The following RANBP2 variants were observed in gnomAD, a reference collection of about 807,000 sequenced individuals.
RANBP2 encodes RAN binding protein 2.
In RANBP2, 57 loss-of-function variants were observed where a neutral mutation model predicts 303.6. That is an observed-to-expected ratio of 0.19 (90% CI 0.15 to 0.23). RANBP2 has a LOEUF of 0.23. Ranked by LOEUF, RANBP2 falls within the 10% of genes least tolerant of loss-of-function variation. The pLI, the probability that RANBP2 is intolerant of heterozygous loss-of-function variation, is 1.00. For synonymous variants in RANBP2, 1,167 were observed against 1,301.5 expected (o/e 0.90, Z 2.23); for missense variants, 3,138 against 3,780.8 (o/e 0.83, Z 4.46).
At chr2:109,389,990 C>A in the RANBP2 span, among the ~76,000 whole-genome samples, 1 of 152,174 alleles carries the variant, frequency 6.6e-6, no homozygotes, top group African/African-American at 2.4e-5. Flanking sequence ...TCTGCGATTT[C>A]TAAGGCAGAA....
At chr2:109,113,428 G>C in the RANBP2 span, among the ~76,000 whole-genome samples, 14 of 151,456 alleles carry the variant, frequency 9.2e-5, no homozygotes, top group East Asian at 1.9e-4. Flanking sequence ...TGATTTGGCT[G>C]TCTGTTTGTC....
chr2:109,633,809 C>T, the RANBP2 span, among the ~76,000 whole-genome samples: 1 of 152,120 alleles, frequency 6.6e-6, no homozygotes, highest in Non-Finnish European at 1.5e-5. Context: ...GATTCCAGGA[C>T]TGTCACAGAT....
At chr2:109,565,752 G>C in the RANBP2 span, 1 of 1,606,262 alleles carries the variant, frequency 6.2e-7, no homozygotes, top group Non-Finnish European at 8.5e-7. Flanking sequence ...GTCATCCTTT[G>C]TCTCATTTAC....
chr2:109,032,237 C>A, the RANBP2 span, among the ~76,000 whole-genome samples: 3 of 152,162 alleles, frequency 2.0e-5, no homozygotes, highest in African/African-American at 7.2e-5. Context: ...GCCTGCACAT[C>A]AATCTTGTTG....
chr2:108,854,042 A>G, the RANBP2 span, among the ~76,000 whole-genome samples: 1 of 113,364 alleles, frequency 8.8e-6, no homozygotes, highest in Non-Finnish European at 1.7e-5. Flanking sequence ...TATATAATAT[A>G]TAATAAATTT....
chr2:109,210,666 G>A, the RANBP2 span, among the ~76,000 whole-genome samples: 1 of 152,176 alleles, frequency 6.6e-6, no homozygotes. Flanking sequence ...GGTCTGATGA[G>A]CTTACTCCAG....
At chr2:109,565,929 T>A in the RANBP2 span, 1 of 1,315,264 alleles carries the variant, frequency 7.6e-7, no homozygotes, top group Non-Finnish European at 1.1e-6. Context: ...AAATTTTATG[T>A]GAGAGAGAAG....
At chr2:109,420,589 G>C in the RANBP2 span, among the ~76,000 whole-genome samples, 1 of 152,124 alleles carries the variant, frequency 6.6e-6, no homozygotes, top group African/African-American at 2.4e-5. Flanking sequence ...GGGACTACAG[G>C]TGCCAGCCAC....
At chr2:109,118,821 A>G in the RANBP2 span, among the ~76,000 whole-genome samples, 4 of 152,134 alleles carry the variant, frequency 2.6e-5, no homozygotes, top group South Asian at 8.3e-4. Flanking sequence ...CATGCCTGGT[A>G]TGTGGAAGGA....
At chr2:109,494,316 C>T in the RANBP2 span, among the ~76,000 whole-genome samples, 1 of 152,162 alleles carries the variant, frequency 6.6e-6, no homozygotes, top group Non-Finnish European at 1.5e-5. Flanking sequence ...CACCCAAGCA[C>T]TCTGTAGCAC....
chr2:109,542,425 A>G, the RANBP2 span, among the ~76,000 whole-genome samples: 1 of 152,348 alleles, frequency 6.6e-6, no homozygotes, highest in African/African-American at 2.4e-5. Flanking sequence ...AGAAACTTGA[A>G]TAACTGTTTA....
the RANBP2 span, among the ~76,000 whole-genome samples, chr2:109,117,099 A>G: frequency 6.6e-6 from 1 of 152,220 alleles, no homozygotes; most frequent in African/African-American, 2.4e-5. Context: ...ACCCACTTGA[A>G]GAGGCAGTCT....
At chr2:109,508,387 G>A in the RANBP2 span, among the ~76,000 whole-genome samples, 1 of 152,076 alleles carries the variant, frequency 6.6e-6, no homozygotes, top group Admixed American at 6.6e-5. Context: ...CTCATGACCG[G>A]GCAGACAAAA....
the RANBP2 span, among the ~76,000 whole-genome samples, chr2:109,709,964 G>A: frequency 1.3e-5 from 2 of 151,812 alleles, no homozygotes. Flanking sequence ...GTGCATGCCT[G>A]TAATCCCAAC....
the RANBP2 span, chr2:109,565,979 A>T: frequency 1.1e-6 from 1 of 884,556 alleles, no homozygotes; most frequent in Non-Finnish European, 1.8e-6. Flanking sequence ...TCGAATGGTC[A>T]GCTATGCCTC....
At chr2:109,700,334 T>G in the RANBP2 span, among the ~76,000 whole-genome samples, 1 of 152,192 alleles carries the variant, frequency 6.6e-6, no homozygotes, top group African/African-American at 2.4e-5. Context: ...GAAGTCCTGA[T>G]GACGTACCTA....
chr2:108,723,289 T>C (rs1416035441), intron 1 of RANBP2, among the ~76,000 whole-genome samples: 2 of 151,598 alleles, frequency 1.3e-5, no homozygotes, highest in Non-Finnish European at 2.9e-5. Context: ...TTTTCTTTTT[T>C]TTTTTTTTGA....
the RANBP2 span, among the ~76,000 whole-genome samples, chr2:108,868,725 T>A: frequency 6.6e-6 from 1 of 152,186 alleles, no homozygotes; most frequent in East Asian, 1.9e-4. Flanking sequence ...TCCTCCTTTT[T>A]TGCTTTGTTA....
chr2:109,690,514 T>G, the RANBP2 span, among the ~76,000 whole-genome samples: 1 of 152,148 alleles, frequency 6.6e-6, no homozygotes, highest in Admixed American at 6.5e-5. Context: ...CCATTTAGCT[T>G]AGTGATTTAG....
Sources: gnomAD v4.1 joint callset for allele counts (sites outside exome capture counted in the v4.1 genomes callset) on GRCh38, gnomAD v4.1.1 for gene constraint, MANE v1.5 for transcripts, NCBI Gene and HGNC (gene_info 2026-07-23, HGNC 2026-07-21) for gene names.